The following DGKD variants were observed in gnomAD, a reference collection of about 807,000 sequenced individuals.
DGKD encodes the protein DAG kinase delta.
Under a neutral mutation model 154.4 loss-of-function variants are expected in DGKD, and 68 were observed. The observed-to-expected ratio is 0.44, with a 90% CI of 0.36 to 0.54. The LOEUF (loss-of-function observed/expected upper bound fraction) is 0.54. Ranked by LOEUF, DGKD falls within the 20% of genes least tolerant of loss-of-function variation. The pLI, the probability that DGKD is intolerant of heterozygous loss-of-function variation, is 0.00. For synonymous variants in DGKD, 693 were observed against 638.0 expected, an observed-to-expected ratio of 1.09 and a Z score of -1.30; for missense variants, 1,343 against 1,593.6, an observed-to-expected ratio of 0.84 and a Z score of 2.68.
At position 233,450,010 on chromosome 2, in the gene DGKD, G is replaced by C. The variant is rs2063218869; in HGVS notation, c.1917G>C (p.Gln639His). The C allele has an allele frequency of 1.2e-6, 2 of 1,611,310 alleles. No homozygotes were observed. The highest frequency in any genetic ancestry group is 1.7e-4 in the Middle Eastern group (1 of 6,044). Residue 639 changes from glutamine to histidine, a missense_variant, in exon 16 of 30, where the codon CAG becomes CAC. Coordinates refer to ENST00000264057, the MANE Select transcript of DGKD (RefSeq NM_152879.3). Reference sequence around the variant, plus strand: ...TCGATGAGCAGAATGCCCAGACCCAGGAGCAGGAGGGCTTCGTCCTGGGCC... The same window carrying C: ...TCGATGAGCAGAATGCCCAGACCCACGAGCAGGAGGGCTTCGTCCTGGGCC... ...KAVDEQNAQT[Q>H]EQEGFVLGLS...
chr2:233,362,834 A>G (rs1203309252), intron 1 of DGKD, among the ~76,000 whole-genome samples: 2 of 152,232 alleles, frequency 1.3e-5, no homozygotes, highest in East Asian at 1.9e-4. Flanking sequence ...AGGTGGTCCC[A>G]TAAGATTATA....
intron 1 of DGKD, among the ~76,000 whole-genome samples, chr2:233,359,376 A>G (rs1307362774): frequency 6.6e-6 from 1 of 152,236 alleles, no homozygotes; most frequent in African/African-American, 2.4e-5. Context: ...TAAAATAGGA[A>G]TGGGGATGTT....
chr2:233,471,648 A>G lies in DGKD; in HGVS notation c.*2188A>G, dbSNP rs1000727982. The G allele has an allele frequency of 2.0e-5, 3 of 152,420 alleles. No individual in the cohort carries two copies. Among genetic ancestry groups the G allele is most frequent in the African/African-American group, 7.2e-5 (3 of 41,480 alleles). The allele number at this position is 152,420 out of a possible 1,614,324, so 9.4% of individuals were successfully genotyped here. On this transcript the variant is annotated 3_prime_UTR_variant, in exon 30 of 30. Transcript: ENST00000264057. ...GGCAAGGAGTTGGGTTTGGATCAAA[A>G]GTGTTTAAAATTAATATGTTGTCAG...
At position 233,459,640 on chromosome 2, in the gene DGKD, T is replaced by G. The variant is rs1575166173; in HGVS notation, c.2695-117T>G. 7.4e-7 allele frequency: 1 copy of G among 1,343,152 alleles called. No individual in the cohort carries two copies. 83.2% of individuals were successfully genotyped at this position (1,343,152 alleles called of 1,614,324 possible). Reference sequence around the variant, plus strand: ...CGCCATCCCAGAGGCAGAGGTGGGGTGTCCTGCAAGGCAGGGACGGGTGTG... The same window carrying G: ...CGCCATCCCAGAGGCAGAGGTGGGGGGTCCTGCAAGGCAGGGACGGGTGTG... On this transcript the variant is annotated intron_variant, in intron 22 of 29. Transcript: ENST00000264057. The surrounding 1 kb of genome is among the most constrained non-coding windows in gnomAD (Gnocchi z 5.7).
chr2:233,375,245 C>T (rs1367867987), intron 1 of DGKD, among the ~76,000 whole-genome samples: 12 of 151,886 alleles, frequency 7.9e-5, no homozygotes, highest in African/African-American at 1.7e-4. Flanking sequence ...GAGCCGAGAT[C>T]GTGCCACCGC....
At position 233,460,465 on chromosome 2, in the gene DGKD, C is replaced by G. The variant is rs2063593519; in HGVS notation, c.2981+120C>G. ...CTGACTTTTGTGGGGTCTGCATTAC[C>G]CATGAGGGCCGAGCCTGTTTATGTG... On this transcript the variant is annotated intron_variant, in intron 24 of 29. Coordinates refer to ENST00000264057, the MANE Select transcript of DGKD (RefSeq NM_152879.3). 2 of 1,299,960 alleles carry G rather than the reference C, an allele frequency of 1.5e-6. 1 individual carries two copies. The highest frequency in any genetic ancestry group is 2.1e-6 in the Non-Finnish European group (2 of 957,198). The allele number at this position is 1,299,960 out of a possible 1,614,324, so 80.5% of individuals were successfully genotyped here.
intron 18 of DGKD, among the ~76,000 whole-genome samples, chr2:233,453,608 G>C (rs955977597): frequency 1.3e-5 from 2 of 152,244 alleles, no homozygotes; most frequent in Non-Finnish European, 2.9e-5. Context: ...ATGTTCCCAA[G>C]CCCATCCACC....
intron 3 of DGKD, among the ~76,000 whole-genome samples, chr2:233,393,992 C>A (rs1703826040): frequency 6.6e-6 from 1 of 152,110 alleles, no homozygotes; most frequent in African/African-American, 2.4e-5. Context: ...TAGTTTTTAT[C>A]TGTTGTAACT....
intron 3 of DGKD, among the ~76,000 whole-genome samples, chr2:233,410,291 A>G (rs575775255): frequency 6.6e-6 from 1 of 152,080 alleles, no homozygotes; most frequent in East Asian, 1.9e-4. Context: ...CTGACCTTGG[A>G]GGCAGGAGCC....
At chr2:233,446,683 C>T (rs768085286) in intron 11 of DGKD, 29 bp from the exon 12 acceptor site, 141 of 1,608,984 alleles carry the variant, frequency 8.8e-5, no homozygotes, top group Admixed American at 4.4e-4. Context: ...CACGTCTTGC[C>T]GCCTGTGCAG....
intron 3 of DGKD, among the ~76,000 whole-genome samples, chr2:233,429,593 G>T (rs998827830): frequency 2.0e-5 from 3 of 152,232 alleles, no homozygotes; most frequent in African/African-American, 7.2e-5. Flanking sequence ...TGTGAGTTCT[G>T]TGAGGGGAGG....
At position 233,449,319 on chromosome 2, in the gene DGKD, C is replaced by T. The variant is rs777286782; in HGVS notation, c.1831C>T (p.Leu611=). 3 of 1,611,010 alleles carry T rather than the reference C, an allele frequency of 1.9e-6. No homozygotes were observed. Among genetic ancestry groups the T allele is most frequent in the Non-Finnish European group, 2.5e-6 (3 of 1,177,488 alleles). The stretch of plus-strand genomic sequence containing the variant: ...ATTCCGGCCTCGAGAACAGCTCATG[C>T]TGAGAGCCAACAGCCTGAAGAAAGC... ...QIFRPREQLM[L]RANSLKKAIR... Residue 611 remains leucine, a synonymous_variant, in exon 15 of 30, where the codon CTG becomes TTG. Transcript: ENST00000264057. This position sits in a 1 kb window ranked among gnomAD's most constrained non-coding sequence, Gnocchi z 5.3.
chr2:233,427,243 C>T (rs1193245508), intron 3 of DGKD, among the ~76,000 whole-genome samples: 1 of 151,674 alleles, frequency 6.6e-6, no homozygotes, highest in Non-Finnish European at 1.5e-5. Flanking sequence ...TGATGCAGTT[C>T]TGCTCCTTCT....
Position 233,466,118 on chromosome 2 carries a change from T to C in DGKD, c.3307-968T>C, listed in dbSNP as rs532891543. On this transcript the variant is annotated intron_variant, in intron 27 of 29. Transcript: ENST00000264057. ...TTTTTATTCCCTAACTTCATTTTACTGTGCTCCAAGCAATGGTCTGTATGT... is the reference window on the plus strand; with the variant it reads ...TTTTTATTCCCTAACTTCATTTTACCGTGCTCCAAGCAATGGTCTGTATGT... 2.6e-5 allele frequency among the ~76,000 whole-genome samples: 4 copies of C among 152,154 alleles called. No individual in the cohort carries two copies. In the East Asian group the frequency reaches 7.7e-4, roughly 29 times the overall value.
intron 3 of DGKD, among the ~76,000 whole-genome samples, chr2:233,426,530 T>G (rs556320200): frequency 6.4e-4 from 97 of 152,340 alleles, no homozygotes; most frequent in African/African-American, 2.3e-3. Flanking sequence ...ATGTCTGTTT[T>G]TTTAACTTTA....
chr2:233,429,333 A>G lies in DGKD; in HGVS notation c.349-5047A>G, dbSNP rs191966585. 3.2e-5 allele frequency: 32 copies of G among 984,898 alleles called. No homozygotes were observed. The African/African-American group carries it at 5.2e-4, about 16-fold the overall frequency. 61.0% of individuals were successfully genotyped at this position (984,898 alleles called of 1,614,324 possible). ...TTATCTTTCTCTTACTATATTTACT[A>G]TGCTGACAAAAGTGTTCAAATATTA... On this transcript the variant is annotated intron_variant, in intron 3 of 29. Coordinates refer to ENST00000264057, the MANE Select transcript of DGKD (RefSeq NM_152879.3).
intron 3 of DGKD, among the ~76,000 whole-genome samples, chr2:233,426,495 T>C (rs2062304760): frequency 6.6e-6 from 1 of 152,198 alleles, no homozygotes; most frequent in Non-Finnish European, 1.5e-5. Flanking sequence ...TAGGAGAAGC[T>C]AGCATCTAAT....
Position 233,354,583 on chromosome 2 carries a change from A to T in DGKD, c.65A>T (p.Glu22Val). 1 of 1,101,046 alleles carries T rather than the reference A, an allele frequency of 9.1e-7. No homozygotes were observed. The highest frequency in any genetic ancestry group is 1.1e-6 in the Non-Finnish European group (1 of 890,298). The allele number at this position is 1,101,046 out of a possible 1,614,324, so 68.2% of individuals were successfully genotyped here. A position where few individuals can be genotyped will look rare whatever the true frequency, so the allele number is the denominator to read the frequency against. ...PPQPPPPPPPEESSDSEPEAE... is the reference protein window; with the variant it reads ...PPQPPPPPPPVESSDSEPEAE... ...CAACCGCCTCCGCCGCCGCCGCCCG[A>T]GGAGTCGTCCGACAGCGAGCCCGAG... The change falls in exon 1 of 30, where the codon GAG becomes GTG. Residue 22 changes from glutamate to valine, a missense_variant. Transcript: ENST00000264057. The surrounding 1 kb of genome is among the most constrained non-coding windows in gnomAD (Gnocchi z 4.8).
chr2:233,424,776 G>C (rs2062235980), intron 3 of DGKD, among the ~76,000 whole-genome samples: 1 of 152,250 alleles, frequency 6.6e-6, no homozygotes, highest in East Asian at 1.9e-4. Flanking sequence ...GCTGAATGGA[G>C]CAGATAACCT....
Sources: allele counts gnomAD v4.1 joint callset (sites outside exome capture counted in the v4.1 genomes callset), GRCh38; gene constraint gnomAD v4.1.1; non-coding constraint Gnocchi (gnomAD v3.1); transcripts MANE v1.5; gene names NCBI Gene and HGNC (gene_info 2026-07-23, HGNC 2026-07-21).